The following PARD3 variants were observed in gnomAD, a reference collection of about 807,000 sequenced individuals.
PARD3 encodes partitioning defective 3 homolog.
PARD3 carries 75 observed loss-of-function variants against 155.4 expected under a neutral mutation model. That is an observed-to-expected ratio of 0.48 (90% CI 0.40 to 0.58). The LOEUF is 0.58. Ranked by LOEUF, PARD3 falls within the 20% of genes least tolerant of loss-of-function variation. The pLI is 0.00. For missense variants in PARD3, 1,642 were observed against 1,721.7 expected (o/e 0.95, Z 0.82); for synonymous variants, 576 against 610.5 (o/e 0.94, Z 0.83).
intron 20 of PARD3, among the ~76,000 whole-genome samples, chr10:34,302,226 G>A (rs1957190086): frequency 6.6e-6 from 1 of 152,070 alleles, no homozygotes; most frequent in South Asian, 2.1e-4. Context: ...GGAACTCACT[G>A]AAGACCTGAA....
chr10:34,322,308 C>A (rs1186011060), intron 19 of PARD3, among the ~76,000 whole-genome samples: 1 of 152,130 alleles, frequency 6.6e-6, no homozygotes, highest in African/African-American at 2.4e-5. Context: ...TTGTGGGTAG[C>A]TGACTCATGG....
chr10:34,681,092 A>C (rs1229036028), intron 2 of PARD3, among the ~76,000 whole-genome samples: 1 of 152,194 alleles, frequency 6.6e-6, no homozygotes, highest in Non-Finnish European at 1.5e-5. Flanking sequence ...TAACAGTGTT[A>C]TACGATGCAA....
intron 1 of PARD3, among the ~76,000 whole-genome samples, chr10:34,797,257 T>C (rs1019054232): frequency 2.0e-5 from 3 of 152,100 alleles, no homozygotes; most frequent in African/African-American, 7.2e-5. Context: ...CTCAAGCGAT[T>C]CTCCCACCTC....
rs1440774614 is a variant in PARD3 at position 34,110,242 on chromosome 10, T to C, written c.*927A>G. 1 of 152,216 alleles carries C rather than the reference T, an allele frequency of 6.6e-6. No homozygotes were observed. Among genetic ancestry groups the C allele is most frequent in the Non-Finnish European group, 1.5e-5 (1 of 68,042 alleles). The allele number at this position is 152,216 out of a possible 1,614,324, so 9.4% of individuals were successfully genotyped here. A position where few individuals can be genotyped will look rare whatever the true frequency, so the allele number is the denominator to read the frequency against. ...AGAGCAGATCAAAATGACTGTCTGG[T>C]TTATCTCTGTCCCATTCTGTGCCCT... On this transcript the variant is annotated 3_prime_UTR_variant, in exon 25 of 25. Coordinates refer to ENST00000374788, the MANE Select transcript of PARD3 (RefSeq NM_001184785.2).
intron 2 of PARD3, among the ~76,000 whole-genome samples, chr10:34,547,657 C>T (rs1657221): frequency 9.3e-4 from 141 of 152,268 alleles, no homozygotes; most frequent in Non-Finnish European, 1.7e-3. Context: ...TCACTGAGTG[C>T]GCTTTCCTTT....
intron 22 of PARD3, among the ~76,000 whole-genome samples, chr10:34,240,845 A>G (rs1452468596): frequency 4.6e-5 from 7 of 152,138 alleles, no homozygotes; most frequent in Non-Finnish European, 1.5e-5. Context: ...GACCTCGAGC[A>G]GACAACACAG....
chr10:34,467,962 T>C (rs557929787), intron 4 of PARD3, among the ~76,000 whole-genome samples: 65 of 152,250 alleles, frequency 4.3e-4, no homozygotes, highest in African/African-American at 1.4e-3. Flanking sequence ...GAGATTTTAA[T>C]AGTGGTTTGA....
chr10:34,242,056 T>C (rs1300060573), intron 22 of PARD3, among the ~76,000 whole-genome samples: 4 of 152,222 alleles, frequency 2.6e-5, no homozygotes, highest in Non-Finnish European at 4.4e-5. Flanking sequence ...GATAACCAGC[T>C]GGCATGGTCA....
At chr10:34,441,328 T>C (rs901270711) in intron 5 of PARD3, among the ~76,000 whole-genome samples, 5 of 152,226 alleles carry the variant, frequency 3.3e-5, no homozygotes, top group African/African-American at 1.2e-4. Flanking sequence ...TGCACTGGAA[T>C]GTGTGCTGTG....
chr10:34,349,580 T>TAAAAAAAAAAAAA, intron 14 of PARD3, among the ~76,000 whole-genome samples: 11 of 44,708 alleles, frequency 2.5e-4, no homozygotes, highest in South Asian at 1.2e-3. Context: ...TCTGGGAAAG[T>TAAAAAAAAAAAAA]AAAAAAAAAA....
intron 7 of PARD3, among the ~76,000 whole-genome samples, chr10:34,387,471 T>G (rs926025003): frequency 6.6e-6 from 1 of 152,140 alleles, no homozygotes; most frequent in Non-Finnish European, 1.5e-5. Flanking sequence ...GGAGGTATAC[T>G]GGGCTCAATC....
intron 5 of PARD3, among the ~76,000 whole-genome samples, chr10:34,419,740 C>T (rs1193577550): frequency 6.6e-6 from 1 of 152,140 alleles, no homozygotes; most frequent in African/African-American, 2.4e-5. Flanking sequence ...TCTATTCCAA[C>T]TCTCCCTTCA....
chr10:34,668,970 C>T (rs1386670403), intron 2 of PARD3, among the ~76,000 whole-genome samples: 2 of 152,038 alleles, frequency 1.3e-5, no homozygotes, highest in Admixed American at 6.6e-5. Flanking sequence ...TGTTCTAGGA[C>T]ATGGGGATAC....
At chr10:34,772,425 T>C (rs1838994262) in intron 1 of PARD3, among the ~76,000 whole-genome samples, 1 of 152,196 alleles carries the variant, frequency 6.6e-6, no homozygotes, top group Non-Finnish European at 1.5e-5. Flanking sequence ...TAAATGTTGA[T>C]ACCAACTGAC....
intron 2 of PARD3, among the ~76,000 whole-genome samples, chr10:34,650,193 A>C (rs904282006): frequency 7.9e-5 from 12 of 152,248 alleles, no homozygotes; most frequent in Non-Finnish European, 1.5e-4. Context: ...TGTCATGATC[A>C]AGCACCATGC....
In PARD3 at chr10:34,283,270, C is replaced by T. The variant is rs114157795; in HGVS notation, c.3176+865G>A. Among the ~76,000 whole-genome samples, 1,232 of 152,196 alleles carry T rather than the reference C, an allele frequency of 8.1e-3. 23 individuals carry two copies. Among genetic ancestry groups the T allele is most frequent in the African/African-American group, 0.028 (1,177 of 41,572 alleles). On this transcript the variant is annotated intron_variant, in intron 21 of 24. Coordinates refer to ENST00000374788, the MANE Select transcript of PARD3 (RefSeq NM_001184785.2). Reference sequence around the variant, plus strand: ...CTATGGACAGTACTTAGCATTATAACCTTCATCAAGGTACCAGAAACTCAC... The same window carrying T: ...CTATGGACAGTACTTAGCATTATAATCTTCATCAAGGTACCAGAAACTCAC...
intron 22 of PARD3, among the ~76,000 whole-genome samples, chr10:34,232,332 G>C (rs1952976339): frequency 6.6e-6 from 1 of 152,058 alleles, no homozygotes; most frequent in African/African-American, 2.4e-5. Context: ...AGACAGAAAG[G>C]GGAGCTTGAA....
intron 8 of PARD3, among the ~76,000 whole-genome samples, chr10:34,383,390 T>TACACACACACAC (rs3040371): frequency 0.019 from 2,847 of 150,248 alleles, 80 homozygotes; most frequent in African/African-American, 0.062. Context: ...ATTTTTAAAA[T>TACACACACACAC]ACACACACAC....
intron 1 of PARD3, among the ~76,000 whole-genome samples, chr10:34,754,962 G>T (rs542632508): frequency 6.6e-6 from 1 of 152,222 alleles, no homozygotes; most frequent in African/African-American, 2.4e-5. Context: ...AAGACTACGT[G>T]TAAGAAGTCC....
Sources: gnomAD v4.1 joint callset for allele counts (sites outside exome capture counted in the v4.1 genomes callset) on GRCh38, gnomAD v4.1.1 for gene constraint, MANE v1.5 for transcripts, NCBI Gene and HGNC (gene_info 2026-07-23, HGNC 2026-07-21) for gene names.